The following BRINP3 variants were observed in gnomAD, a reference collection of about 807,000 sequenced individuals.
The protein encoded by BRINP3 is BMP/retinoic acid inducible neural specific 3.
BRINP3 carries 19 observed loss-of-function variants against 71.0 expected under a neutral mutation model. That is an observed-to-expected ratio of 0.27 (90% CI 0.19 to 0.39). The LOEUF (loss-of-function observed/expected upper bound fraction) is 0.39. Ranked by LOEUF, BRINP3 falls within the 10% of genes least tolerant of loss-of-function variation. BRINP3 has a pLI of 1.00. For synonymous variants in BRINP3, 380 were observed against 337.7 expected (o/e 1.13, Z -1.37); for missense variants, 959 against 940.8 (o/e 1.02, Z -0.25).
intron 4 of BRINP3, among the ~76,000 whole-genome samples, chr1:190,250,881 T>C (rs1660072050): frequency 1.3e-5 from 2 of 151,872 alleles, no homozygotes; most frequent in African/African-American, 4.8e-5. Context: ...TTTTCATAAG[T>C]TTTAATACAG....
chr1:190,159,188 C>T (rs548928567), intron 7 of BRINP3, among the ~76,000 whole-genome samples: 3 of 152,136 alleles, frequency 2.0e-5, no homozygotes, highest in Non-Finnish European at 4.4e-5. Flanking sequence ...ATATTCACTT[C>T]GATGGCTATA....
chr1:190,341,196 T>C (rs1667633972), intron 2 of BRINP3, among the ~76,000 whole-genome samples: 1 of 151,860 alleles, frequency 6.6e-6, no homozygotes, highest in Non-Finnish European at 1.5e-5. Flanking sequence ...GTTCTTCACA[T>C]TGGTTAGTTG....
chr1:190,208,834 A>G (rs990514919), intron 6 of BRINP3, among the ~76,000 whole-genome samples: 2 of 152,070 alleles, frequency 1.3e-5, no homozygotes, highest in Non-Finnish European at 2.9e-5. Context: ...TCCTGGCTTT[A>G]TTACTTAATA....
At chr1:190,116,340 C>T (rs974632630) in intron 7 of BRINP3, among the ~76,000 whole-genome samples, 5 of 152,086 alleles carry the variant, frequency 3.3e-5, no homozygotes, top group African/African-American at 4.8e-5. Flanking sequence ...TGTGTTATTC[C>T]GGCAAGTGGG....
chr1:190,176,395 G>A (rs1414340955), intron 6 of BRINP3, among the ~76,000 whole-genome samples: 1 of 152,054 alleles, frequency 6.6e-6, no homozygotes, highest in African/African-American at 2.4e-5. Context: ...TATTAATGTT[G>A]GAGGAATAGA....
chr1:190,389,911 A>C (rs1344303155), intron 2 of BRINP3, among the ~76,000 whole-genome samples: 1 of 151,836 alleles, frequency 6.6e-6, no homozygotes, highest in Non-Finnish European at 1.5e-5. Context: ...GATTTTGATA[A>C]GGTTTACTGT....
chr1:190,250,645 C>T (rs1362492988), intron 4 of BRINP3, among the ~76,000 whole-genome samples: 1 of 151,940 alleles, frequency 6.6e-6, no homozygotes, highest in Non-Finnish European at 1.5e-5. Context: ...AAGAGACTCT[C>T]CAAGTACTGA....
intron 2 of BRINP3, among the ~76,000 whole-genome samples, chr1:190,385,447 A>G (rs1670827786): frequency 6.6e-6 from 1 of 152,022 alleles, no homozygotes; most frequent in Non-Finnish European, 1.5e-5. Context: ...TCTCAAAAGA[A>G]GACATTTATG....
chr1:190,412,452 T>C (rs1672739464), intron 2 of BRINP3, among the ~76,000 whole-genome samples: 1 of 130,088 alleles, frequency 7.7e-6, no homozygotes, highest in Admixed American at 7.5e-5. Flanking sequence ...TTTTGTTTTG[T>C]TTTGTTTTTT....
chr1:190,186,489 A>G (rs550054936), intron 6 of BRINP3, among the ~76,000 whole-genome samples: 2 of 152,302 alleles, frequency 1.3e-5, no homozygotes, highest in Non-Finnish European at 2.9e-5. Flanking sequence ...ACGAAAATAA[A>G]GGCCACATCT....
intron 1 of BRINP3, among the ~76,000 whole-genome samples, chr1:190,471,403 C>T (rs572944799): frequency 6.6e-6 from 1 of 151,176 alleles, no homozygotes; most frequent in South Asian, 2.1e-4. Context: ...CAATAATATT[C>T]ACATAGATTA....
chr1:190,405,269 G>A (rs1672190357), intron 2 of BRINP3, among the ~76,000 whole-genome samples: 1 of 151,756 alleles, frequency 6.6e-6, no homozygotes, highest in South Asian at 2.1e-4. Flanking sequence ...GGCTAAGACG[G>A]TGAAACCCTG....
At chr1:190,244,067 T>A (rs1362862721) in intron 4 of BRINP3, among the ~76,000 whole-genome samples, 1 of 152,064 alleles carries the variant, frequency 6.6e-6, no homozygotes, top group African/African-American at 2.4e-5. Flanking sequence ...ATTATTTCAT[T>A]ACATATTACA....
At chr1:190,254,955 A>T (rs542274526) in intron 4 of BRINP3, among the ~76,000 whole-genome samples, 25 of 152,158 alleles carry the variant, frequency 1.6e-4, no homozygotes, top group African/African-American at 5.8e-4. Context: ...ATCAATACCC[A>T]GTTTATTGAG....
chr1:190,297,801 T>TGTGC (rs1664363906), intron 2 of BRINP3, among the ~76,000 whole-genome samples: 1 of 151,576 alleles, frequency 6.6e-6, no homozygotes, highest in Non-Finnish European at 1.5e-5. Flanking sequence ...TGTGTGTGTG[T>TGTGC]GTGCGTGTGT....
rs12744731 is a variant in BRINP3 at position 190,282,179 on chromosome 1, A to G, written c.237-429T>C. Among the ~76,000 whole-genome samples, 473 of 151,990 alleles carry G rather than the reference A, an allele frequency of 3.1e-3. 3 individuals carry two copies. Among genetic ancestry groups the G allele is most frequent in the Non-Finnish European group, 3.8e-3 (260 of 67,930 alleles). ...TCTCTATTCACTTTAGAGTGGGAACATAAAAAACCTCAGGAATATTAAGGA... is the reference window on the plus strand; with the variant it reads ...TCTCTATTCACTTTAGAGTGGGAACGTAAAAAACCTCAGGAATATTAAGGA... On this transcript the variant is annotated intron_variant, in intron 2 of 7. Coordinates refer to ENST00000367462, the MANE Select transcript of BRINP3 (RefSeq NM_199051.3).
intron 1 of BRINP3, among the ~76,000 whole-genome samples, chr1:190,472,749 G>T (rs941658546): frequency 1.3e-5 from 2 of 151,076 alleles, no homozygotes; most frequent in African/African-American, 4.9e-5. Context: ...ACACTACACT[G>T]CAAATAAATA....
intron 6 of BRINP3, among the ~76,000 whole-genome samples, chr1:190,189,012 G>A (rs1399006302): frequency 2.0e-5 from 3 of 151,916 alleles, no homozygotes; most frequent in South Asian, 2.1e-4. Flanking sequence ...TGCCTGCCTC[G>A]ACCTCCCAAA....
chr1:190,174,759 G>T (rs1018469516), intron 6 of BRINP3, among the ~76,000 whole-genome samples: 1 of 150,438 alleles, frequency 6.6e-6, no homozygotes, highest in African/African-American at 2.5e-5. Flanking sequence ...ATAATAAAGA[G>T]AAAATCATAT....
Sources: gnomAD v4.1 joint callset for allele counts (sites outside exome capture counted in the v4.1 genomes callset) on GRCh38, gnomAD v4.1.1 for gene constraint, MANE v1.5 for transcripts, NCBI Gene and HGNC (gene_info 2026-07-23, HGNC 2026-07-21) for gene names.